Variants in POLD1 observed in about 807,000 individuals in gnomAD.
The protein encoded by POLD1 is DNA polymerase delta 1, catalytic subunit.
POLD1 carries 79 observed loss-of-function variants against 129.7 expected under a neutral mutation model. The observed-to-expected ratio is 0.61, with a 90% CI of 0.51 to 0.73. The LOEUF is 0.73. Ranked by LOEUF, POLD1 falls within the 30% of genes least tolerant of loss-of-function variation. The pLI, the probability that POLD1 is intolerant of heterozygous loss-of-function variation, is 0.00. For synonymous variants in POLD1, 714 were observed against 683.3 expected (o/e 1.04, Z -0.70); for missense variants, 1,338 against 1,595.8 (o/e 0.84, Z 2.75).
At position 50,409,504 on chromosome 19, in the gene POLD1, C is replaced by T. The variant is rs769431445; in HGVS notation, c.2007-15C>T. 2.4e-5 allele frequency: 39 copies of T among 1,613,386 alleles called. No individual in the cohort carries two copies. Among genetic ancestry groups the T allele is most frequent in the Admixed American group, 8.3e-5 (5 of 59,992 alleles). Reference sequence around the variant, plus strand: ...AGGTGCCGCCTGAGTGTGCTTTCCCCGTGTTCCCTCGCAGGGCCAAGGCCG... The same window carrying T: ...AGGTGCCGCCTGAGTGTGCTTTCCCTGTGTTCCCTCGCAGGGCCAAGGCCG... On this transcript the variant is annotated splice_polypyrimidine_tract_variant and intron_variant, in intron 16 of 26. Coordinates refer to ENST00000440232, the MANE Select transcript of POLD1 (RefSeq NM_002691.4). This position sits in a 1 kb window ranked among gnomAD's most constrained non-coding sequence, Gnocchi z 5.8.
rs2122312203 is a variant in POLD1, at chr19:50,406,083, G to C, written c.1243-99G>C. 6.9e-7 allele frequency: 1 copy of C among 1,452,924 alleles called. No homozygotes were observed. The highest frequency in any genetic ancestry group is 9.4e-7 in the Non-Finnish European group (1 of 1,059,984). The allele number at this position is 1,452,924 out of a possible 1,614,324, so 90.0% of individuals were successfully genotyped here. On this transcript the variant is annotated intron_variant, in intron 10 of 26. Transcript: ENST00000440232. This position sits in a 1 kb window ranked among gnomAD's most constrained non-coding sequence, Gnocchi z 5.5. ...CCCAGGGTTGCTCTCGACCCCCTAG[G>C]GTTGTTATAAGGATGTTGTGGTTGG...
At position 50,406,398 on chromosome 19, in the gene POLD1, C is replaced by T. The variant is rs1601216516; in HGVS notation, c.1384-9C>T. 2.5e-6 allele frequency: 4 copies of T among 1,606,546 alleles called. No homozygotes were observed. Among genetic ancestry groups the T allele is most frequent in the Non-Finnish European group, 3.4e-6 (4 of 1,176,204 alleles). On this transcript the variant is annotated splice_polypyrimidine_tract_variant and intron_variant, in intron 11 of 26. Transcript: ENST00000440232. This position sits in a 1 kb window ranked among gnomAD's most constrained non-coding sequence, Gnocchi z 5.5. ...GGCCCGCAGCCCACCAGCCCACCCA[C>T]CCACCTAGGTGCTGCTGCGGGAGTA... is the stretch of plus-strand genomic sequence containing the variant.
chr19:50,410,241 T>A (rs1278017360), intron 17 of POLD1, among the ~76,000 whole-genome samples: 1 of 152,152 alleles, frequency 6.6e-6, no homozygotes, highest in Non-Finnish European at 1.5e-5. Context: ...CAAGCTGGGG[T>A]CAGTGCCCCA....
At chr19:50,385,471 T>C (rs1601155735) in intron 1 of POLD1, among the ~76,000 whole-genome samples, 1 of 151,380 alleles carries the variant, frequency 6.6e-6, no homozygotes, top group African/African-American at 2.4e-5. Context: ...GGCAGGGCGA[T>C]GTCAGTGCCT....
Position 50,413,822 on chromosome 19 carries a change from G to T in POLD1, c.2331G>T (p.Glu777Asp), listed in dbSNP as rs755163951. ...CTGAGGCGATGGCCCTGGGGCGGGAGGCCGCGGACTGGGTGTCAGGTCACT... is the reference window on the plus strand; with the variant it reads ...CTGAGGCGATGGCCCTGGGGCGGGATGCCGCGGACTGGGTGTCAGGTCACT... Reference protein sequence around the residue: ...SVAEAMALGREAADWVSGHFP... With the variant: ...SVAEAMALGRDAADWVSGHFP... Residue 777 changes from glutamate to aspartate, a missense_variant, in exon 19 of 27, where the codon GAG becomes GAT. By Grantham distance (45) the Glu-to-Asp change is conservative. Transcript: ENST00000440232. The T allele has an allele frequency of 1.9e-6, 3 of 1,612,308 alleles. No individual in the cohort carries two copies. The highest frequency in any genetic ancestry group is 2.5e-6 in the Non-Finnish European group (3 of 1,179,440).
chr19:50,407,119 G>A lies in POLD1; in HGVS notation c.1631G>A (p.Ser544Asn). The change falls in exon 13 of 27, where the codon AGC (serine) becomes AAC (asparagine). Residue 544 changes from serine to asparagine, a missense_variant. Coordinates refer to ENST00000440232, the MANE Select transcript of POLD1 (RefSeq NM_002691.4). Reference sequence around the variant, plus strand: ...GCGAGGGTCACTGGCGTGCCCCTCAGCTACCTGCTCAGTCGTGGCCAGCAG... The same window carrying A: ...GCGAGGGTCACTGGCGTGCCCCTCAACTACCTGCTCAGTCGTGGCCAGCAG... ...EMARVTGVPLSYLLSRGQQVK... is the reference protein window; with the variant it reads ...EMARVTGVPLNYLLSRGQQVK... 6.2e-7 allele frequency: 1 copy of A among 1,613,512 alleles called. No homozygotes were observed. The highest frequency in any genetic ancestry group is 8.5e-7 in the Non-Finnish European group (1 of 1,179,968).
chr19:50,394,511 C>T (rs2038275952), intron 1 of POLD1, among the ~76,000 whole-genome samples: 1 of 151,942 alleles, frequency 6.6e-6, no homozygotes, highest in Non-Finnish European at 1.5e-5. Context: ...AAAAAATTAG[C>T]GGGTATGATG....
chr19:50,408,845 G>A lies in POLD1; in HGVS notation c.1836G>A (p.Met612Ile), dbSNP rs2038991679. ...CCTCGCTGTACCCGTCCATCATGAT[G>A]GCCCACAACCTGTGTTACACCACGC... The part of the protein sequence containing the change: ...DFSSLYPSIM[M>I]AHNLCYTTLL... Residue 612 changes from methionine to isoleucine, a missense_variant, in exon 15 of 27, where the codon ATG becomes ATA. By Grantham distance (10) the Met-to-Ile change is conservative (BLOSUM62 1). Transcript: ENST00000440232. 6.2e-7 allele frequency: 1 copy of A among 1,614,078 alleles called. No individual in the cohort carries two copies.
rs1374013475 is a variant in POLD1, at chr19:50,406,486, A to G, written c.1463A>G (p.Asp488Gly). Residue 488 changes from aspartate to glycine, a missense_variant, in exon 12 of 27, where the codon GAC becomes GGC. Asp to Gly is a moderately conservative substitution (Grantham distance 94). Coordinates refer to ENST00000440232, the MANE Select transcript of POLD1 (RefSeq NM_002691.4). This position sits in a 1 kb window ranked among gnomAD's most constrained non-coding sequence, Gnocchi z 5.5. ...SFHFLGEQKE[D>G]VQHSIITDLQ... ...CACTTCCTGGGCGAGCAGAAGGAGG[A>G]CGTGCAGCACAGCATCATCACCGAC... is the stretch of plus-strand genomic sequence containing the variant. 1.3e-6 allele frequency: 2 copies of G among 1,593,274 alleles called. No homozygotes were observed. Among genetic ancestry groups the G allele is most frequent in the Non-Finnish European group, 1.7e-6 (2 of 1,169,590 alleles).
At chr19:50,404,810 A>G (rs1256462484) in intron 10 of POLD1, among the ~76,000 whole-genome samples, 1 of 148,388 alleles carries the variant, frequency 6.7e-6, no homozygotes, top group Non-Finnish European at 1.5e-5. Context: ...GCTGGAGTGC[A>G]ATGGCACGAT....
chr19:50,417,715 T>A, intron 26 of POLD1, 127 bp from the exon 27 acceptor site: 3 of 172,950 alleles, frequency 1.7e-5, no homozygotes, highest in East Asian at 1.7e-4. Context: ...AACAGCCCGC[T>A]GCGGGAGGGG....
rs2038865783 is a variant in POLD1, at chr19:50,406,096, A to T, written c.1243-86A>T. The T allele has an allele frequency of 2.1e-5, 31 of 1,502,970 alleles. No individual in the cohort carries two copies. In the East Asian group the frequency reaches 7.1e-4, roughly 34 times the overall value. 93.1% of individuals were successfully genotyped at this position (1,502,970 alleles called of 1,614,324 possible). On this transcript the variant is annotated intron_variant, in intron 10 of 26. Transcript: ENST00000440232. The surrounding 1 kb of genome is among the most constrained non-coding windows in gnomAD (Gnocchi z 5.5). ...TCGACCCCCTAGGGTTGTTATAAGGATGTTGTGGTTGGTCTCAATCTCCGT... is the reference window on the plus strand; with the variant it reads ...TCGACCCCCTAGGGTTGTTATAAGGTTGTTGTGGTTGGTCTCAATCTCCGT...
chr19:50,415,878 T>C, intron 22 of POLD1, 52 bp downstream of exon 22: 1 of 1,300,148 alleles, frequency 7.7e-7, no homozygotes, highest in South Asian at 1.5e-5. Context: ...CTCTCACTTC[T>C]GCTTTCCGAG....
chr19:50,406,139 C>A lies in POLD1; in HGVS notation c.1243-43C>A. On this transcript the variant is annotated intron_variant, in intron 10 of 26. Transcript: ENST00000440232. The surrounding 1 kb of genome is among the most constrained non-coding windows in gnomAD (Gnocchi z 5.5). ...ATCTCCGTTCTTCAGGCTTATGTGACGGGGACCCGCAGCCTGCTGCACACC... is the reference window on the plus strand; with the variant it reads ...ATCTCCGTTCTTCAGGCTTATGTGAAGGGGACCCGCAGCCTGCTGCACACC... 6.3e-7 allele frequency: 1 copy of A among 1,594,122 alleles called. No individual in the cohort carries two copies. The highest frequency in any genetic ancestry group is 1.3e-5 in the African/African-American group (1 of 74,730).
Position 50,409,370 on chromosome 19 carries a change from C to A in POLD1, c.2006+135C>A. The A allele has an allele frequency of 7.8e-7, 1 of 1,282,494 alleles. No individual in the cohort carries two copies. Among genetic ancestry groups the A allele is most frequent in the Non-Finnish European group, 1.1e-6 (1 of 902,034 alleles). The allele number at this position is 1,282,494 out of a possible 1,614,324, so 79.4% of individuals were successfully genotyped here. On this transcript the variant is annotated intron_variant, in intron 16 of 26. Coordinates refer to ENST00000440232, the MANE Select transcript of POLD1 (RefSeq NM_002691.4). This position sits in a 1 kb window ranked among gnomAD's most constrained non-coding sequence, Gnocchi z 5.8. Reference sequence around the variant, plus strand: ...GTGCGTGAATTAGCACAAGGCATCCCCTCCTGGCAGCTTCCTTTTGCCCCC... The same window carrying A: ...GTGCGTGAATTAGCACAAGGCATCCACTCCTGGCAGCTTCCTTTTGCCCCC...
At chr19:50,391,847 G>T (rs1773783745) in intron 1 of POLD1, among the ~76,000 whole-genome samples, 1 of 152,228 alleles carries the variant, frequency 6.6e-6, no homozygotes, top group Admixed American at 6.5e-5. Context: ...CAAGTAGCTG[G>T]GATTATAGGC....
At chr19:50,401,269 ATTAAT>A (rs1354706781) in intron 3 of POLD1, among the ~76,000 whole-genome samples, 1 of 144,458 alleles carries the variant, frequency 6.9e-6, no homozygotes, top group African/African-American at 2.6e-5. Context: ...TTCTTTATGT[ATTAAT>A]TTATGTATAA....
At chr19:50,402,793 G>C (rs2122263087) in intron 8 of POLD1, 52 bp downstream of exon 8, 2 of 1,547,934 alleles carry the variant, frequency 1.3e-6, no homozygotes, top group Non-Finnish European at 1.7e-6. Context: ...GCCAAGTCGG[G>C]GGTCGGAAAG....
At chr19:50,410,826 T>G (rs565396143) in intron 17 of POLD1, among the ~76,000 whole-genome samples, 1 of 152,232 alleles carries the variant, frequency 6.6e-6, no homozygotes, top group East Asian at 1.9e-4. Flanking sequence ...CTGGCCTTAG[T>G]GACTCCATCA....
Sources: allele counts gnomAD v4.1 joint callset (sites outside exome capture counted in the v4.1 genomes callset), GRCh38; gene constraint gnomAD v4.1.1; non-coding constraint Gnocchi (gnomAD v3.1); transcripts MANE v1.5; gene names NCBI Gene and HGNC (gene_info 2026-07-23, HGNC 2026-07-21).